The following ROBO1 variants were observed in gnomAD, a reference collection of about 807,000 sequenced individuals.
The protein encoded by ROBO1 is roundabout homolog 1.
In ROBO1, 149 loss-of-function variants were observed where a neutral mutation model predicts 195.9. The observed-to-expected ratio is 0.76, with a 90% CI of 0.67 to 0.87. The LOEUF (loss-of-function observed/expected upper bound fraction) is 0.87, where lower values mean the gene tolerates loss of function less well. ROBO1 is among the 40% of genes least tolerant of loss of function. The pLI, the probability that ROBO1 is intolerant of heterozygous loss-of-function variation, is 0.00. For synonymous variants in ROBO1, 816 were observed against 733.2 expected, an observed-to-expected ratio of 1.11 and a Z score of -1.82; for missense variants, 1,933 against 2,068.3, an observed-to-expected ratio of 0.93 and a Z score of 1.27.
chr3:79,648,137 G>A (rs1945888998), intron 1 of ROBO1, among the ~76,000 whole-genome samples: 1 of 152,056 alleles, frequency 6.6e-6, no homozygotes, highest in African/African-American at 2.4e-5. Context: ...TATAAGGTCA[G>A]GAACTTTTCC....
chr3:79,037,619 A>G (rs1300781210), intron 3 of ROBO1, among the ~76,000 whole-genome samples: 1 of 152,196 alleles, frequency 6.6e-6, no homozygotes. Context: ...CCATGCTGCT[A>G]GATATAGTCG....
At chr3:79,519,501 C>T (rs548757954) in intron 2 of ROBO1, among the ~76,000 whole-genome samples, 7 of 151,256 alleles carry the variant, frequency 4.6e-5, no homozygotes, top group South Asian at 2.1e-4. Flanking sequence ...TGGTGGCGGG[C>T]GCCTGTAGTC....
At chr3:79,354,450 T>C (rs2035466069) in intron 2 of ROBO1, among the ~76,000 whole-genome samples, 1 of 152,208 alleles carries the variant, frequency 6.6e-6, no homozygotes, top group South Asian at 2.1e-4. Context: ...CCAGTATCCT[T>C]GATTACTTTG....
chr3:79,725,366 A>G (rs1702876641), intron 1 of ROBO1, among the ~76,000 whole-genome samples: 1 of 151,030 alleles, frequency 6.6e-6, no homozygotes, highest in African/African-American at 2.4e-5. Context: ...AGCTGGGACT[A>G]CAGGCGCCCG....
chr3:79,194,916 A>G (rs1029504400), intron 2 of ROBO1, among the ~76,000 whole-genome samples: 7 of 151,646 alleles, frequency 4.6e-5, no homozygotes, highest in African/African-American at 1.5e-4. Flanking sequence ...GTTATGAATA[A>G]CAAGTAGGTT....
intron 6 of ROBO1, 135 bp downstream of exon 6, chr3:78,717,628 T>C (rs1199973585): frequency 9.2e-7 from 1 of 1,081,560 alleles, no homozygotes. Context: ...GCTGCTTTTC[T>C]GATTTCTTCT....
intron 2 of ROBO1, among the ~76,000 whole-genome samples, chr3:79,385,150 A>C (rs886257279): frequency 1.3e-5 from 2 of 149,960 alleles, no homozygotes; most frequent in African/African-American, 4.8e-5. Flanking sequence ...AACAATTTTC[A>C]TTCTTTAGGA....
intron 5 of ROBO1, among the ~76,000 whole-genome samples, chr3:78,721,450 G>A (rs561450974): frequency 6.6e-6 from 1 of 152,150 alleles, no homozygotes; most frequent in Non-Finnish European, 1.5e-5. Context: ...TGGATAGCAC[G>A]CCGAGCCTCT....
chr3:78,949,784 G>A (rs1269609129), intron 3 of ROBO1, among the ~76,000 whole-genome samples: 1 of 152,034 alleles, frequency 6.6e-6, no homozygotes, highest in Non-Finnish European at 1.5e-5. Flanking sequence ...CTAATATCCA[G>A]AATCTACAAT....
chr3:79,521,058 A>G (rs1941187049), intron 2 of ROBO1, among the ~76,000 whole-genome samples: 1 of 152,118 alleles, frequency 6.6e-6, no homozygotes, highest in African/African-American at 2.4e-5. Flanking sequence ...AATCTTTGAG[A>G]CCCCATTCAA....
At chr3:79,200,207 T>C (rs1441072271) in intron 2 of ROBO1, among the ~76,000 whole-genome samples, 1 of 151,788 alleles carries the variant, frequency 6.6e-6, no homozygotes, top group Non-Finnish European at 1.5e-5. Flanking sequence ...TAACGCAGTC[T>C]TGTGGTTAGC....
intron 23 of ROBO1, chr3:78,634,484 A>G (rs1375370273): frequency 1.6e-5 from 6 of 367,522 alleles, no homozygotes; most frequent in Admixed American, 1.6e-4. Flanking sequence ...AGTCAGTAAT[A>G]ATCTGTCGTC....
chr3:79,088,382 CT>C (rs1364879965), intron 3 of ROBO1, among the ~76,000 whole-genome samples: 1 of 152,094 alleles, frequency 6.6e-6, no homozygotes, highest in African/African-American at 2.4e-5. Flanking sequence ...TGATTTAAAG[CT>C]TGTTTTATTT....
intron 1 of ROBO1, among the ~76,000 whole-genome samples, chr3:79,729,708 G>A (rs527589062): frequency 1.3e-5 from 2 of 152,274 alleles, no homozygotes; most frequent in Non-Finnish European, 2.9e-5. Context: ...TATGAGGGAA[G>A]GAGATTGGAA....
intron 2 of ROBO1, among the ~76,000 whole-genome samples, chr3:79,570,608 A>T (rs1329783543): frequency 6.6e-6 from 1 of 152,178 alleles, no homozygotes; most frequent in Non-Finnish European, 1.5e-5. Flanking sequence ...AAAATGTCAT[A>T]GTAGAAAGAC....
intron 3 of ROBO1, among the ~76,000 whole-genome samples, chr3:79,001,262 C>A (rs1253921532): frequency 6.6e-6 from 1 of 152,098 alleles, no homozygotes; most frequent in Non-Finnish European, 1.5e-5. Context: ...ATGTTCAGCA[C>A]ATGTACCCCA....
chr3:79,597,457 A>C (rs899217756), intron 1 of ROBO1, among the ~76,000 whole-genome samples: 3 of 152,094 alleles, frequency 2.0e-5, no homozygotes, highest in African/African-American at 7.2e-5. Context: ...AATAGAGTAC[A>C]TAAAGCACAG....
At chr3:79,338,196 CA>C (rs2034757538) in intron 2 of ROBO1, among the ~76,000 whole-genome samples, 1 of 152,118 alleles carries the variant, frequency 6.6e-6, no homozygotes, top group Non-Finnish European at 1.5e-5. Context: ...TAATCTTATA[CA>C]AACATATCAG....
intron 2 of ROBO1, among the ~76,000 whole-genome samples, chr3:79,585,248 A>G (rs1394995039): frequency 1.3e-5 from 2 of 151,982 alleles, no homozygotes; most frequent in Non-Finnish European, 2.9e-5. Context: ...CTAGTTTATT[A>G]TAAAAGTCCA....
Sources: gnomAD v4.1 joint callset for allele counts (sites outside exome capture counted in the v4.1 genomes callset) on GRCh38, gnomAD v4.1.1 for gene constraint, MANE v1.5 for transcripts, NCBI Gene and HGNC (gene_info 2026-07-23, HGNC 2026-07-21) for gene names.